MTMR7: variants seen among roughly 807,000 people sequenced by gnomAD.
MTMR7 encodes the protein phosphatidylinositol-3-phosphate phosphatase MTMR7.
A neutral mutation model predicts 81.2 loss-of-function variants in MTMR7; 76 were observed. The ratio of observed to expected loss-of-function variants is 0.94; its 90% CI spans 0.78 to 1.13. The LOEUF (loss-of-function observed/expected upper bound fraction) is 1.13, where lower values mean the gene tolerates loss of function less well. Ranked by LOEUF, MTMR7 falls within the 50% of genes most tolerant of loss-of-function variation. The pLI is 0.00. For missense variants in MTMR7, 1,044 were observed against 820.0 expected (o/e 1.27, Z -3.34); for synonymous variants, 372 against 289.8 (o/e 1.28, Z -2.88).
At chr8:17,361,349 TC>T in intron 3 of MTMR7, 75 bp from the exon 4 acceptor site, 1 of 1,561,176 alleles carries the variant, frequency 6.4e-7, no homozygotes, top group Non-Finnish European at 8.8e-7. Context: ...AAACATTCTG[TC>T]CCACCTGGAG....
intron 4 of MTMR7, among the ~76,000 whole-genome samples, chr8:17,358,869 CA>C (rs147593169): frequency 2.0e-5 from 3 of 151,594 alleles, no homozygotes; most frequent in East Asian, 3.9e-4. Context: ...ATTCATATGG[CA>C]AAAAAAAGTC....
chr8:17,300,769 C>T (rs1217073609), intron 13 of MTMR7, among the ~76,000 whole-genome samples: 1 of 152,202 alleles, frequency 6.6e-6, no homozygotes, highest in Admixed American at 6.5e-5. Flanking sequence ...CAGTCATTTC[C>T]CATTCCTATC....
At chr8:17,356,352 T>G (rs940638894) in intron 4 of MTMR7, among the ~76,000 whole-genome samples, 4 of 152,104 alleles carry the variant, frequency 2.6e-5, no homozygotes, top group African/African-American at 9.7e-5. Context: ...AAGAAACTAA[T>G]TAAAGATATT....
At chr8:17,377,884 G>T (rs932576341) in intron 1 of MTMR7, among the ~76,000 whole-genome samples, 3 of 152,096 alleles carry the variant, frequency 2.0e-5, no homozygotes, top group African/African-American at 7.2e-5. Context: ...CTACGATAAA[G>T]ATATTATGAA....
intron 1 of MTMR7, among the ~76,000 whole-genome samples, chr8:17,395,791 T>G (rs1001333724): frequency 2.0e-5 from 3 of 152,214 alleles, no homozygotes; most frequent in Non-Finnish European, 1.5e-5. Flanking sequence ...GTGTTGCACA[T>G]AAGTATCCAA....
chr8:17,376,768 C>T (rs1306898162), intron 1 of MTMR7, among the ~76,000 whole-genome samples: 3 of 152,042 alleles, frequency 2.0e-5, no homozygotes, highest in Non-Finnish European at 4.4e-5. Flanking sequence ...TATTTATTAT[C>T]GCATCGTGAA....
chr8:17,313,383 G>A lies in MTMR7; in HGVS notation c.884C>T (p.Pro295Leu). 6.2e-7 allele frequency: 1 copy of A among 1,610,356 alleles called. No homozygotes were observed. Among genetic ancestry groups the A allele is most frequent in the Non-Finnish European group, 8.5e-7 (1 of 1,177,464 alleles). ...ACCCCACAGGAAATCACTCATGGAG[G>A]GAGATTTAAGTTCACACACTGCAAG... Reference protein sequence around the residue: ...KMLEVCELKSPSMSDFLWGLE... With the variant: ...KMLEVCELKSLSMSDFLWGLE... Residue 295 changes from proline to leucine, a missense_variant, in exon 8 of 14, where the codon CCC becomes CTC. Physicochemically the swap from Pro to Leu is moderately conservative, Grantham distance 98. Transcript: ENST00000180173.
chr8:17,394,829 T>TA (rs5889713), intron 1 of MTMR7, among the ~76,000 whole-genome samples: 53,448 of 152,036 alleles, frequency 0.35, 11,430 homozygotes, highest in Admixed American at 0.53. Flanking sequence ...TTTGCCAAAT[T>TA]AAGTATTAGT....
chr8:17,333,935 T>C (rs554459307), intron 6 of MTMR7, among the ~76,000 whole-genome samples: 1 of 152,130 alleles, frequency 6.6e-6, no homozygotes, highest in South Asian at 2.1e-4. Flanking sequence ...GACTACACAG[T>C]CTACAAAAGT....
chr8:17,380,968 C>T (rs543364362), intron 1 of MTMR7, among the ~76,000 whole-genome samples: 1 of 152,246 alleles, frequency 6.6e-6, no homozygotes, highest in Non-Finnish European at 1.5e-5. Flanking sequence ...AAGATTGACA[C>T]TAGCAGACTT....
chr8:17,364,428 C>G (rs79336676), intron 3 of MTMR7, among the ~76,000 whole-genome samples: 1 of 152,058 alleles, frequency 6.6e-6, no homozygotes, highest in African/African-American at 2.4e-5. Context: ...TTTTTTGTAA[C>G]GAGAACATCT....
chr8:17,299,932 C>G lies in MTMR7; in HGVS notation c.1913G>C (p.Gly638Ala), dbSNP rs762414331. 3.1e-6 allele frequency: 5 copies of G among 1,614,178 alleles called. No homozygotes were observed. The South Asian group carries it at 5.5e-5, about 18-fold the overall frequency. The change falls in exon 14 of 14, where the codon GGT (glycine) becomes GCT (alanine). Residue 638 changes from glycine to alanine, a missense_variant. Physicochemically the swap from Gly to Ala is moderately conservative, Grantham distance 60. Transcript: ENST00000180173. Reference protein sequence around the residue: ...EDLSCRSPSGGEHAPSEDSGK... With the variant: ...EDLSCRSPSGAEHAPSEDSGK... ...ACTATCTTCACTCGGTGCATGCTCACCACCACTTGGAGACCGACAGCTCAA... is the reference window on the plus strand; with the variant it reads ...ACTATCTTCACTCGGTGCATGCTCAGCACCACTTGGAGACCGACAGCTCAA...
chr8:17,309,202 CTAAA>C (rs1817653091), intron 10 of MTMR7, 71 bp downstream of exon 10: 1 of 1,038,820 alleles, frequency 9.6e-7, no homozygotes, highest in African/African-American at 1.6e-5. Context: ...CGATTTTCCC[CTAAA>C]TATTCAATTG....
chr8:17,316,372 A>G (rs986025298), intron 7 of MTMR7, among the ~76,000 whole-genome samples: 1 of 151,868 alleles, frequency 6.6e-6, no homozygotes, highest in African/African-American at 2.4e-5. Flanking sequence ...TTTAACAGCT[A>G]TATAATATTC....
At chr8:17,385,485 T>C (rs1247564122) in intron 1 of MTMR7, among the ~76,000 whole-genome samples, 2 of 152,186 alleles carry the variant, frequency 1.3e-5, no homozygotes, top group African/African-American at 4.8e-5. Context: ...ATAAGCCTTC[T>C]CTCTTGCCCA....
At chr8:17,366,887 A>AAAAAAAAAAAAAAAAAAAC (rs1554515171) in intron 3 of MTMR7, among the ~76,000 whole-genome samples, 2 of 146,038 alleles carry the variant, frequency 1.4e-5, no homozygotes, top group African/African-American at 5.1e-5. Context: ...CTCCATCTCA[A>AAAAAAAAAAAAAAAAAAAC]AAAAAAAAAA....
intron 5 of MTMR7, among the ~76,000 whole-genome samples, chr8:17,344,366 C>G (rs1819493575): frequency 6.6e-6 from 1 of 152,158 alleles, no homozygotes; most frequent in African/African-American, 2.4e-5. Flanking sequence ...AATCCCAGCA[C>G]TTCGGGAGGC....
chr8:17,356,782 C>T (rs1051130110), intron 4 of MTMR7, among the ~76,000 whole-genome samples: 12 of 152,164 alleles, frequency 7.9e-5, no homozygotes, highest in African/African-American at 2.4e-4. Context: ...AGAATAAATT[C>T]TCAGAAGTGG....
intron 10 of MTMR7, among the ~76,000 whole-genome samples, chr8:17,306,269 T>G (rs1817450563): frequency 6.6e-6 from 1 of 152,118 alleles, no homozygotes; most frequent in African/African-American, 2.4e-5. Context: ...TAAAAGTACA[T>G]TAGAACTTTT....
Sources: gnomAD v4.1 joint callset for allele counts (sites outside exome capture counted in the v4.1 genomes callset) on GRCh38, gnomAD v4.1.1 for gene constraint, MANE v1.5 for transcripts, NCBI Gene and HGNC (gene_info 2026-07-23, HGNC 2026-07-21) for gene names.